Variants in TNKS observed in about 807,000 individuals in gnomAD.
The protein encoded by TNKS is tankyrase, also known as poly [ADP-ribose] polymerase tankyrase-1.
TNKS carries 72 observed loss-of-function variants against 135.8 expected under a neutral mutation model. The ratio of observed to expected loss-of-function variants is 0.53; its 90% CI spans 0.44 to 0.64. The LOEUF is 0.64. Among genes scored for constraint, TNKS ranks in the 30% least tolerant of loss-of-function variants. The pLI, the probability that TNKS is intolerant of heterozygous loss-of-function variation, is 0.00. For missense variants in TNKS, 1,769 were observed against 1,674.0 expected (o/e 1.06, Z -0.99); for synonymous variants, 849 against 649.3 (o/e 1.31, Z -4.68).
chr8:9,770,295 T>C, intron 26 of TNKS, 33 bp downstream of exon 26: 2 of 1,588,030 alleles, frequency 1.3e-6, no homozygotes, highest in Non-Finnish European at 1.7e-6. Flanking sequence ...ATAACCAAGT[T>C]CACAAACATG....
At chr8:9,603,815 G>A (rs1799111772) in intron 2 of TNKS, among the ~76,000 whole-genome samples, 1 of 151,944 alleles carries the variant, frequency 6.6e-6, no homozygotes, top group African/African-American at 2.4e-5. Flanking sequence ...ATAATAGCAC[G>A]AGGATATTAA....
intron 3 of TNKS, among the ~76,000 whole-genome samples, chr8:9,662,436 T>C (rs1801764518): frequency 6.6e-6 from 1 of 152,164 alleles, no homozygotes; most frequent in East Asian, 1.9e-4. Context: ...TGAGTTCATG[T>C]CCTTTGTAGG....
At chr8:9,746,137 C>A (rs564284289) in intron 17 of TNKS, among the ~76,000 whole-genome samples, 1 of 152,170 alleles carries the variant, frequency 6.6e-6, no homozygotes, top group African/African-American at 2.4e-5. Flanking sequence ...CCAAACTGAC[C>A]AAGTTATGCC....
intron 3 of TNKS, among the ~76,000 whole-genome samples, chr8:9,672,665 A>AC (rs1351119934): frequency 7.1e-6 from 1 of 141,570 alleles, no homozygotes; most frequent in African/African-American, 2.6e-5. Context: ...AAAAAAAAAA[A>AC]AAAAAAAAAA....
chr8:9,565,780 C>G (rs564619928), intron 1 of TNKS, among the ~76,000 whole-genome samples: 1 of 152,030 alleles, frequency 6.6e-6, no homozygotes, highest in East Asian at 1.9e-4. Context: ...TGGCGTGAAC[C>G]CCGGAGGCAG....
At chr8:9,692,316 GTTCAC>G (rs72468591) in intron 5 of TNKS, among the ~76,000 whole-genome samples, 2,896 of 152,240 alleles carry the variant, frequency 0.019, 57 homozygotes, top group African/African-American at 0.05. Flanking sequence ...TCCTGCATTA[GTTCAC>G]TTAGGATAAT....
At chr8:9,568,388 C>G (rs1204771577) in intron 1 of TNKS, among the ~76,000 whole-genome samples, 1 of 152,116 alleles carries the variant, frequency 6.6e-6, no homozygotes, top group Non-Finnish European at 1.5e-5. Context: ...GTTTCTCAAA[C>G]TTTTTGGTCT....
chr8:9,616,146 T>G lies in TNKS; in HGVS notation c.994+469T>G, dbSNP rs566485018. On this transcript the variant is annotated intron_variant, in intron 3 of 26. Coordinates refer to ENST00000310430, the MANE Select transcript of TNKS (RefSeq NM_003747.3). The stretch of plus-strand genomic sequence containing the variant: ...CCCCGTTTATACTTTAATCATATGT[T>G]TTCACTTTTACCATGATAGCTAAGT... Among the ~76,000 whole-genome samples, 105 of 152,322 alleles carry G rather than the reference T, an allele frequency of 6.9e-4. 1 individual carries two copies. The highest frequency in any genetic ancestry group is 2.2e-3 in the African/African-American group (91 of 41,562).
chr8:9,766,831 C>G (rs890493942), intron 25 of TNKS, among the ~76,000 whole-genome samples: 14 of 152,290 alleles, frequency 9.2e-5, no homozygotes, highest in Non-Finnish European at 1.2e-4. Context: ...TATCCTCAGT[C>G]TTGCATCCCG....
At chr8:9,671,378 A>T (rs1039151055) in intron 3 of TNKS, among the ~76,000 whole-genome samples, 4 of 152,218 alleles carry the variant, frequency 2.6e-5, no homozygotes, top group Non-Finnish European at 5.9e-5. Flanking sequence ...TGGTGATTGG[A>T]TAAACAAATT....
At chr8:9,735,313 C>T (rs1341610453) in intron 16 of TNKS, 64 bp from the exon 17 acceptor site, 2 of 1,432,610 alleles carry the variant, frequency 1.4e-6, no homozygotes, top group Non-Finnish European at 2.0e-6. Context: ...GTCCTTATTA[C>T]ATATGTATGT....
chr8:9,734,820 T>A, intron 15 of TNKS, 45 bp from the exon 16 acceptor site: 1 of 1,534,376 alleles, frequency 6.5e-7, no homozygotes, highest in Non-Finnish European at 8.9e-7. Flanking sequence ...ACCTACCTAC[T>A]TACTACAGAA....
chr8:9,684,834 C>G (rs923516324), intron 5 of TNKS, among the ~76,000 whole-genome samples: 9 of 152,014 alleles, frequency 5.9e-5, no homozygotes, highest in Non-Finnish European at 1.0e-4. Context: ...ACGGGGAGCT[C>G]AAACATTGGT....
intron 26 of TNKS, among the ~76,000 whole-genome samples, chr8:9,770,721 C>A (rs1196075428): frequency 1.3e-5 from 2 of 152,210 alleles, no homozygotes; most frequent in Non-Finnish European, 1.5e-5. Flanking sequence ...AAGGAAATAA[C>A]TAAATATATA....
chr8:9,589,865 A>G (rs959917084), intron 2 of TNKS, among the ~76,000 whole-genome samples: 6 of 152,242 alleles, frequency 3.9e-5, no homozygotes, highest in African/African-American at 1.4e-4. Context: ...AAGTCTTCTG[A>G]TAATATGTTT....
rs567033979 is a variant in TNKS at position 9,643,365 on chromosome 8, G to A, written c.994+27688G>A. Among the ~76,000 whole-genome samples the A allele has an allele frequency of 1.4e-5, 2 of 146,032 alleles. 1 individual carries two copies. Among genetic ancestry groups the A allele is most frequent in the East Asian group, 4.2e-4 (2 of 4,744 alleles). Reference sequence around the variant, plus strand: ...TGTCATCCCATGGTGGAAGGCAGAAGAGCAGGAGAGCAAGAAGGGACTGAA... The same window carrying A: ...TGTCATCCCATGGTGGAAGGCAGAAAAGCAGGAGAGCAAGAAGGGACTGAA... On this transcript the variant is annotated intron_variant, in intron 3 of 26. Coordinates refer to ENST00000310430, the MANE Select transcript of TNKS (RefSeq NM_003747.3).
intron 3 of TNKS, among the ~76,000 whole-genome samples, chr8:9,620,253 C>G (rs13262577): frequency 0.71 from 107,698 of 152,020 alleles, 38,524 homozygotes; most frequent in Middle Eastern, 0.8. Flanking sequence ...GGCCGGGACT[C>G]CTTTCTTTGC....
At chr8:9,714,953 A>G (rs1804532193) in intron 11 of TNKS, among the ~76,000 whole-genome samples, 1 of 152,220 alleles carries the variant, frequency 6.6e-6, no homozygotes, top group Non-Finnish European at 1.5e-5. Context: ...ACATTTTAGG[A>G]GCAAGTACGG....
intron 5 of TNKS, among the ~76,000 whole-genome samples, chr8:9,696,680 A>C (rs543958735): frequency 6.6e-6 from 1 of 152,298 alleles, no homozygotes; most frequent in South Asian, 2.1e-4. Context: ...AGTCAAATCA[A>C]GATCTCAATC....
Sources: gnomAD v4.1 joint callset for allele counts (sites outside exome capture counted in the v4.1 genomes callset) on GRCh38, gnomAD v4.1.1 for gene constraint, MANE v1.5 for transcripts, NCBI Gene and HGNC (gene_info 2026-07-23, HGNC 2026-07-21) for gene names.